KCNA10: variants seen among roughly 807,000 people sequenced by gnomAD.
The protein encoded by KCNA10 is cyclic GMP gated potassium channel.
In KCNA10, 16 loss-of-function variants were observed where a neutral mutation model predicts 21.4. The ratio of observed to expected loss-of-function variants is 0.75; its 90% CI spans 0.51 to 1.14. The LOEUF (loss-of-function observed/expected upper bound fraction) is 1.14, where lower values mean the gene tolerates loss of function less well. Among genes scored for constraint, KCNA10 ranks in the 50% most tolerant of loss-of-function variants. The probability of loss-of-function intolerance (pLI) is 0.00; values close to 1 mark genes in which losing one functional copy is unlikely to be tolerated. For synonymous variants in KCNA10, 276 were observed against 245.9 expected (o/e 1.12, Z -1.15); for missense variants, 677 against 649.1 (o/e 1.04, Z -0.47).
rs1647241810 is a variant in KCNA10, at chr1:110,517,448, A to G, written c.1340T>C (p.Leu447Pro). ...VGTLCAIAGV[L>P]TIALPVPVIV... is the part of the protein sequence containing the mutation. ...GACAGGCACAGGGAGGGCAATGGTG[A>G]GGACCCCTGCAATGGCACACAGAGT... The change falls in exon 1 of 1, where the codon CTC becomes CCC. Residue 447 changes from leucine (L) to proline (P), a missense_variant. Leu to Pro is a moderately conservative substitution (Grantham distance 98, BLOSUM62 -3). Coordinates refer to ENST00000369771, the MANE Select transcript of KCNA10 (RefSeq NM_005549.2). The G allele has an allele frequency of 6.2e-7, 1 of 1,614,184 alleles. No homozygotes were observed. The highest frequency in any genetic ancestry group is 8.5e-7 in the Non-Finnish European group (1 of 1,180,024).
Position 110,517,639 on chromosome 1 carries a change from G to A in KCNA10, c.1149C>T (p.Phe383=), listed in dbSNP as rs1375514512. The change falls in exon 1 of 1, where the codon TTC becomes TTT. Residue 383 remains phenylalanine, a synonymous_variant. Coordinates refer to ENST00000369771, the MANE Select transcript of KCNA10 (RefSeq NM_005549.2). Reference sequence around the variant, plus strand: ...CACTGGAGAAGAGGATGACTCCAATGAAGAGAAAGAAGATGAGCAACCCCA... The same window carrying A: ...CACTGGAGAAGAGGATGACTCCAATAAAGAGAAAGAAGATGAGCAACCCCA... The part of the protein sequence containing the change: ...RELGLLIFFL[F]IGVILFSSAV... 7 of 1,614,184 alleles carry A rather than the reference G, an allele frequency of 4.3e-6. No homozygotes were observed. The highest frequency in any genetic ancestry group is 5.9e-6 in the Non-Finnish European group (7 of 1,180,028).
At position 110,518,715 on chromosome 1, in the gene KCNA10, C is replaced by T; in HGVS notation, c.73G>A (p.Glu25Lys). The T allele has an allele frequency of 6.2e-7, 1 of 1,613,064 alleles. No homozygotes were observed. The highest frequency in any genetic ancestry group is 8.5e-7 in the Non-Finnish European group (1 of 1,179,396). Residue 25 changes from glutamate to lysine, a missense_variant, in exon 1 of 1, where the codon GAG becomes AAG. Transcript: ENST00000369771. ...NFDNSDEIQEEPGYATDFDST... is the reference protein window; with the variant it reads ...NFDNSDEIQEKPGYATDFDST... ...TCGAAGTCTGTGGCATAGCCTGGCT[C>T]TTCTTGGATTTCATCTGAATTATCA...
In KCNA10 at chr1:110,517,535, G is replaced by T. The variant is rs1647246174; in HGVS notation, c.1253C>A (p.Thr418Asn). 5 of 1,614,052 alleles carry T rather than the reference G, an allele frequency of 3.1e-6. No homozygotes were observed. The highest frequency in any genetic ancestry group is 1.3e-5 in the African/African-American group (1 of 74,922). The stretch of plus-strand genomic sequence containing the variant: ...GTCCCCATAGCCTACAGTTGTCATG[G>T]TGACCACTGCCCACCAGAAGCCATC... ...IPDGFWWAVVTMTTVGYGDMC... is the reference protein window; with the variant it reads ...IPDGFWWAVVNMTTVGYGDMC... Residue 418 changes from threonine (T) to asparagine (N), a missense_variant, in exon 1 of 1, where the codon ACC becomes AAC. Coordinates refer to ENST00000369771, the MANE Select transcript of KCNA10 (RefSeq NM_005549.2).
chr1:110,518,570 G>T lies in KCNA10; in HGVS notation c.218C>A (p.Pro73His). 6 of 1,614,170 alleles carry T rather than the reference G, an allele frequency of 3.7e-6. No individual in the cohort carries two copies. Among genetic ancestry groups the T allele is most frequent in the Admixed American group, 1.7e-5 (1 of 60,028 alleles). ...TAGGACCACTGGCTCAGGCCCTGGG[G>T]GGTCAGCATAGTCTCCCGGAAGCTT... ...FSKLPGDYAD[P>H]PGPEPVVLNE... The change falls in exon 1 of 1, where the codon CCC (proline) becomes CAC (histidine). Residue 73 changes from proline (P) to histidine (H), a missense_variant. Pro to His is a moderately conservative substitution (Grantham distance 77). Transcript: ENST00000369771.
Position 110,517,822 on chromosome 1 carries a change from C to T in KCNA10, c.966G>A (p.Glu322=). The T allele has an allele frequency of 6.2e-7, 1 of 1,614,106 alleles. No individual in the cohort carries two copies. The highest frequency in any genetic ancestry group is 8.5e-7 in the Non-Finnish European group (1 of 1,180,034). The change falls in exon 1 of 1, where the codon GAG becomes GAA. Residue 322 remains glutamate (E), a synonymous_variant. Coordinates refer to ENST00000369771, the MANE Select transcript of KCNA10 (RefSeq NM_005549.2). ...IIPYFATLIT[E]LVQETEPSAQ... is the part of the protein sequence containing the mutation. ...CACTCGGCTCTGTCTCCTGGACTAG[C>T]TCTGTGATGAGAGTTGCAAAGTAGG...
rs1226634420 is a variant in KCNA10, at chr1:110,518,482, T to A, written c.306A>T (p.Arg102Ser). The part of the protein sequence containing the change: ...IAGLRFETQL[R>S]TLSQFPETLL... Reference sequence around the variant, plus strand: ...GAGTCTCTGGGAACTGACTAAGGGTTCTGAGCTGGGTCTCAAATCTCAGCC... The same window carrying A: ...GAGTCTCTGGGAACTGACTAAGGGTACTGAGCTGGGTCTCAAATCTCAGCC... Residue 102 changes from arginine to serine, a missense_variant, in exon 1 of 1, where the codon AGA becomes AGT. Arg to Ser is a moderately radical substitution (Grantham distance 110). Coordinates refer to ENST00000369771, the MANE Select transcript of KCNA10 (RefSeq NM_005549.2). The A allele has an allele frequency of 6.2e-7, 1 of 1,614,250 alleles. No homozygotes were observed. The highest frequency in any genetic ancestry group is 1.1e-5 in the South Asian group (1 of 91,084).
chr1:110,518,365 G>A lies in KCNA10; in HGVS notation c.423C>T (p.Ile141=), dbSNP rs1182564210. 1.2e-6 allele frequency: 2 copies of A among 1,614,062 alleles called. No homozygotes were observed. Among genetic ancestry groups the A allele is most frequent in the African/African-American group, 2.7e-5 (2 of 74,926 alleles). The part of the protein sequence containing the change: ...FDRNRPSFDG[I]LYYYQSGGKI... ...TCCCACCAGATTGGTAATAATATAG[G>A]ATTCCATCAAAACTGGGCCGGTTCC... The change falls in exon 1 of 1, where the codon ATC becomes ATT. Residue 141 remains isoleucine (I), a synonymous_variant. Coordinates refer to ENST00000369771, the MANE Select transcript of KCNA10 (RefSeq NM_005549.2).
Position 110,518,245 on chromosome 1 carries a change from C to T in KCNA10, c.543G>A (p.Glu181=), listed in dbSNP as rs1557706820. The part of the protein sequence containing the change: ...LGSEAMDQFR[E]DEGFIKDPET... The stretch of plus-strand genomic sequence containing the variant: ...CAGGGTCTTTGATGAAGCCTTCATC[C>T]TCCCGGAACTGGTCCATGGCCTCAC... The change falls in exon 1 of 1, where the codon GAG becomes GAA. Residue 181 remains glutamate, a synonymous_variant. Coordinates refer to ENST00000369771, the MANE Select transcript of KCNA10 (RefSeq NM_005549.2). The T allele has an allele frequency of 5.0e-6, 8 of 1,614,140 alleles. No homozygotes were observed. Among genetic ancestry groups the T allele is most frequent in the Non-Finnish European group, 5.9e-6 (7 of 1,180,028 alleles).
chr1:110,518,791 A>G lies in KCNA10; in HGVS notation c.-4T>C, dbSNP rs1647300134. On this transcript the variant is annotated 5_prime_UTR_variant, in exon 1 of 1. An upstream open reading frame in the 5' UTR loses its in-frame stop. Transcript: ENST00000369771. The stretch of plus-strand genomic sequence containing the variant: ...CTTTCCAGCCACACACATCCATTCT[A>G]GGGGAGCCAGGGAAGAAGCATGAAG... 6 of 1,533,848 alleles carry G rather than the reference A, an allele frequency of 3.9e-6. No homozygotes were observed. The South Asian group carries it at 7.5e-5, about 19-fold the overall frequency.
Position 110,518,642 on chromosome 1 carries a change from C to G in KCNA10, c.146G>C (p.Gly49Ala). The change falls in exon 1 of 1, where the codon GGG becomes GCG. Residue 49 changes from glycine (G) to alanine (A), a missense_variant. Gly to Ala is a moderately conservative substitution (Grantham distance 60, BLOSUM62 0). Coordinates refer to ENST00000369771, the MANE Select transcript of KCNA10 (RefSeq NM_005549.2). ...GRPGGSSFSNGKILISESTNH... is the reference protein window; with the variant it reads ...GRPGGSSFSNAKILISESTNH... The stretch of plus-strand genomic sequence containing the variant: ...GGTGCTTTCGCTGATGAGGATCTTC[C>G]CGTTGGAGAAGGAGCTGCCCCCAGG... 1.2e-6 allele frequency: 2 copies of G among 1,614,190 alleles called. No individual in the cohort carries two copies. Among genetic ancestry groups the G allele is most frequent in the Non-Finnish European group, 1.7e-6 (2 of 1,180,032 alleles).
Position 110,518,134 on chromosome 1 carries a change from C to G in KCNA10, c.654G>C (p.Val218=), listed in dbSNP as rs1324556810. ...YPESSSAARA[V]AVVSVLVVVI... ...CCACAACCAACACCGAGACCACGGCCACAGCACGGGCAGCGCTGGAACTTT... is the reference window on the plus strand; with the variant it reads ...CCACAACCAACACCGAGACCACGGCGACAGCACGGGCAGCGCTGGAACTTT... The change falls in exon 1 of 1, where the codon GTG becomes GTC. Residue 218 remains valine, a synonymous_variant. Coordinates refer to ENST00000369771, the MANE Select transcript of KCNA10 (RefSeq NM_005549.2). 1 of 1,613,618 alleles carries G rather than the reference C, an allele frequency of 6.2e-7. No homozygotes were observed. Among genetic ancestry groups the G allele is most frequent in the Non-Finnish European group, 8.5e-7 (1 of 1,179,942 alleles).
chr1:110,518,254 C>G lies in KCNA10; in HGVS notation c.534G>C (p.Gln178His). 1 of 1,614,206 alleles carries G rather than the reference C, an allele frequency of 6.2e-7. No individual in the cohort carries two copies. Among genetic ancestry groups the G allele is most frequent in the Non-Finnish European group, 8.5e-7 (1 of 1,180,048 alleles). Residue 178 changes from glutamine to histidine, a missense_variant, in exon 1 of 1, where the codon CAG becomes CAC. By Grantham distance (24) the Gln-to-His change is conservative. Coordinates refer to ENST00000369771, the MANE Select transcript of KCNA10 (RefSeq NM_005549.2). The part of the protein sequence containing the change: ...FYELGSEAMD[Q>H]FREDEGFIKD... ...TGATGAAGCCTTCATCCTCCCGGAA[C>G]TGGTCCATGGCCTCACTACCCAGCT...
chr1:110,517,955 C>T lies in KCNA10; in HGVS notation c.833G>A (p.Cys278Tyr). ...CAGCTCGAAGGTGAACCACACGATGCAGGTAGACTCCACCATGAAGAAAGG... is the reference window on the plus strand; with the variant it reads ...CAGCTCGAAGGTGAACCACACGATGTAGGTAGACTCCACCATGAAGAAAGG... ...TDPFFMVESTCIVWFTFELVL... is the reference protein window; with the variant it reads ...TDPFFMVESTYIVWFTFELVL... The change falls in exon 1 of 1, where the codon TGC (cysteine) becomes TAC (tyrosine). Residue 278 changes from cysteine to tyrosine, a missense_variant. Cys to Tyr is a radical substitution (Grantham distance 194, BLOSUM62 -2). Coordinates refer to ENST00000369771, the MANE Select transcript of KCNA10 (RefSeq NM_005549.2). The T allele has an allele frequency of 1.2e-6, 2 of 1,613,734 alleles. No individual in the cohort carries two copies. Among genetic ancestry groups the T allele is most frequent in the Non-Finnish European group, 1.7e-6 (2 of 1,179,984 alleles).
Position 110,517,762 on chromosome 1 carries a change from G to A in KCNA10, c.1026C>T (p.Ile342=). The change falls in exon 1 of 1, where the codon ATC becomes ATT. Residue 342 remains isoleucine, a synonymous_variant. Coordinates refer to ENST00000369771, the MANE Select transcript of KCNA10 (RefSeq NM_005549.2). ...TGCGGAAGACCCTCACCAGGCGGAT[G>A]ATCCTCAGGATGGCCAGGGACATGT... ...QQNMSLAILR[I]IRLVRVFRIF... 3 of 1,614,198 alleles carry A rather than the reference G, an allele frequency of 1.9e-6. No homozygotes were observed. The highest frequency in any genetic ancestry group is 2.5e-6 in the Non-Finnish European group (3 of 1,180,038).
chr1:110,517,865 T>C lies in KCNA10; in HGVS notation c.923A>G (p.Asp308Gly), dbSNP rs1161914230. The C allele has an allele frequency of 6.2e-7, 1 of 1,613,938 alleles. No homozygotes were observed. The highest frequency in any genetic ancestry group is 8.5e-7 in the Non-Finnish European group (1 of 1,180,014). Residue 308 changes from aspartate to glycine, a missense_variant, in exon 1 of 1, where the codon GAC (aspartate) becomes GGC (glycine). Asp to Gly is a moderately conservative substitution (Grantham distance 94, BLOSUM62 -1). Transcript: ENST00000369771. The part of the protein sequence containing the change: ...DFFRNIMNII[D>G]IISIIPYFAT... ...AAAGTAGGGGATAATGGAGATGATG[T>C]CAATGATGTTCATGATGTTCCTGAA...
Position 110,518,364 on chromosome 1 carries a change from G to C in KCNA10, c.424C>G (p.Leu142Val), listed in dbSNP as rs1647285051. 7 of 1,614,032 alleles carry C rather than the reference G, an allele frequency of 4.3e-6. No homozygotes were observed. The highest frequency in any genetic ancestry group is 4.5e-5 in the East Asian group (2 of 44,896). Reference protein sequence around the residue: ...DRNRPSFDGILYYYQSGGKIR... With the variant: ...DRNRPSFDGIVYYYQSGGKIR... ...TTCCCACCAGATTGGTAATAATATA[G>C]GATTCCATCAAAACTGGGCCGGTTC... Residue 142 changes from leucine (L) to valine (V), a missense_variant, in exon 1 of 1, where the codon CTA (leucine) becomes GTA (valine). Leu to Val is a conservative substitution (Grantham distance 32). Coordinates refer to ENST00000369771, the MANE Select transcript of KCNA10 (RefSeq NM_005549.2).
rs1407561884 is a variant in KCNA10, at chr1:110,517,786, G to A, written c.1002C>T (p.Asn334=). 1.2e-6 allele frequency: 2 copies of A among 1,614,052 alleles called. No homozygotes were observed. The highest frequency in any genetic ancestry group is 2.2e-5 in the South Asian group (2 of 91,074). The part of the protein sequence containing the change: ...VQETEPSAQQ[N]MSLAILRIIR... ...TGATCCTCAGGATGGCCAGGGACATGTTCTGTTGGGCACTCGGCTCTGTCT... is the reference window on the plus strand; with the variant it reads ...TGATCCTCAGGATGGCCAGGGACATATTCTGTTGGGCACTCGGCTCTGTCT... Residue 334 remains asparagine, a synonymous_variant, in exon 1 of 1, where the codon AAC becomes AAT. Transcript: ENST00000369771.
chr1:110,518,925 A>C lies in KCNA10; in HGVS notation c.-138T>G. On this transcript the variant is annotated 5_prime_UTR_variant, in exon 1 of 1. Coordinates refer to ENST00000369771, the MANE Select transcript of KCNA10 (RefSeq NM_005549.2). ...TTGTTTATTGAGGTAAGGTACACCA[A>C]TGGGCTAATCAATGACTTATTTGTA... is the stretch of plus-strand genomic sequence containing the variant. 1 of 641,440 alleles carries C rather than the reference A, an allele frequency of 1.6e-6. No homozygotes were observed. The allele number at this position is 641,440 out of a possible 1,614,324, so 39.7% of individuals were successfully genotyped here.
In KCNA10 at chr1:110,518,072, G is replaced by T; in HGVS notation, c.716C>A (p.Pro239Gln). 1 of 1,613,618 alleles carries T rather than the reference G, an allele frequency of 6.2e-7. No individual in the cohort carries two copies. Among genetic ancestry groups the T allele is most frequent in the Non-Finnish European group, 8.5e-7 (1 of 1,179,898 alleles). The change falls in exon 1 of 1, where the codon CCA becomes CAA. Residue 239 changes from proline to glutamine, a missense_variant. By Grantham distance (76) the Pro-to-Gln change is moderately conservative (BLOSUM62 -1). Coordinates refer to ENST00000369771, the MANE Select transcript of KCNA10 (RefSeq NM_005549.2). The part of the protein sequence containing the change: ...SITIFCLETL[P>Q]EFREDRELKV... ...TAGCTCCCTATCCTCCCGGAACTCT[G>T]GCAGTGTCTCCAGGCAGAAGATGGT...
Sources: allele counts gnomAD v4.1 joint callset, GRCh38; gene constraint gnomAD v4.1.1; transcripts MANE v1.5; gene names NCBI Gene and HGNC (gene_info 2026-07-23, HGNC 2026-07-21).